The following RFX3 variants were observed in gnomAD, a reference collection of about 807,000 sequenced individuals.
RFX3 encodes the protein regulatory factor X3.
A neutral mutation model predicts 98.6 loss-of-function variants in RFX3; 14 were observed. The observed-to-expected ratio is 0.14, with a 90% confidence interval of 0.09 to 0.22. The LOEUF is 0.22. Among genes scored for constraint, RFX3 ranks in the 10% least tolerant of loss-of-function variants. The pLI, the probability that RFX3 is intolerant of heterozygous loss-of-function variation, is 1.00. For missense variants in RFX3, 639 were observed against 926.9 expected, an observed-to-expected ratio of 0.69 and a Z score of 4.03; for synonymous variants, 383 against 328.4, an observed-to-expected ratio of 1.17 and a Z score of -1.80.
intron 13 of RFX3, 137 bp downstream of exon 13, chr9:3,262,798 C>T (rs1823093853): frequency 1.1e-6 from 1 of 903,700 alleles, no homozygotes; most frequent in Non-Finnish European, 1.7e-6. Flanking sequence ...GGTCAAACTC[C>T]TCTCTTTCAG....
rs537002587 is a variant in RFX3 at position 3,429,286 on chromosome 9, T to C, written c.-8-33690A>G. Among the ~76,000 whole-genome samples the C allele has an allele frequency of 3.0e-3, 449 of 151,308 alleles. 3 individuals carry two copies. Among genetic ancestry groups the C allele is most frequent in the Middle Eastern group, 0.01 (3 of 288 alleles). ...ATCCGCCCGTCTCGGCCTCCCAAAGTGCTGGGATTACAGGCGTGAGCCACC... is the reference window on the plus strand; with the variant it reads ...ATCCGCCCGTCTCGGCCTCCCAAAGCGCTGGGATTACAGGCGTGAGCCACC... On this transcript the variant is annotated intron_variant, in intron 1 of 16. Transcript: ENST00000617270.
intron 1 of RFX3, among the ~76,000 whole-genome samples, chr9:3,435,829 T>C (rs1026780988): frequency 1.5e-5 from 2 of 129,744 alleles, no homozygotes; most frequent in Non-Finnish European, 3.2e-5. Context: ...AAAAAAAGGA[T>C]AACACTGCCT....
intron 2 of RFX3, among the ~76,000 whole-genome samples, chr9:3,354,653 T>C (rs898077889): frequency 6.6e-6 from 1 of 151,746 alleles, no homozygotes. Flanking sequence ...ATCCTTTTTC[T>C]GACAAACAAA....
At chr9:3,430,471 A>T (rs1167670501) in intron 1 of RFX3, among the ~76,000 whole-genome samples, 1 of 152,198 alleles carries the variant, frequency 6.6e-6, no homozygotes, top group Admixed American at 6.5e-5. Context: ...TCAAAATACC[A>T]TTACCATCAA....
intron 1 of RFX3, among the ~76,000 whole-genome samples, chr9:3,447,093 T>C (rs1204912904): frequency 6.6e-6 from 1 of 152,142 alleles, no homozygotes; most frequent in Non-Finnish European, 1.5e-5. Flanking sequence ...ATTAATGCCT[T>C]ATACATGTAG....
chr9:3,281,651 A>G (rs1825930102), intron 7 of RFX3, among the ~76,000 whole-genome samples: 2 of 151,892 alleles, frequency 1.3e-5, no homozygotes, highest in African/African-American at 4.8e-5. Flanking sequence ...GTTGTTAATG[A>G]TTAAGAAATA....
At chr9:3,274,909 C>T (rs544213876) in intron 9 of RFX3, among the ~76,000 whole-genome samples, 2 of 151,856 alleles carry the variant, frequency 1.3e-5, no homozygotes, top group South Asian at 4.2e-4. Context: ...AAGGAAGAAA[C>T]ATACATATAT....
chr9:3,340,011 G>T (rs1402318121), intron 3 of RFX3, among the ~76,000 whole-genome samples: 1 of 152,028 alleles, frequency 6.6e-6, no homozygotes, highest in Non-Finnish European at 1.5e-5. Context: ...TATACTACAA[G>T]GCTACAGTAA....
At chr9:3,521,088 T>C (rs1372457540) in intron 1 of RFX3, among the ~76,000 whole-genome samples, 2 of 152,234 alleles carry the variant, frequency 1.3e-5, no homozygotes, top group Non-Finnish European at 2.9e-5. Flanking sequence ...AAAAAGCATA[T>C]CACTATGCCA....
At chr9:3,490,703 G>C (rs1047672250) in intron 1 of RFX3, among the ~76,000 whole-genome samples, 3 of 152,076 alleles carry the variant, frequency 2.0e-5, no homozygotes, top group Admixed American at 6.5e-5. Flanking sequence ...GAAGATGAGA[G>C]AGCAAACAAT....
At chr9:3,509,227 T>C (rs1241547582) in intron 1 of RFX3, among the ~76,000 whole-genome samples, 5 of 151,960 alleles carry the variant, frequency 3.3e-5, no homozygotes, top group African/African-American at 1.2e-4. Flanking sequence ...GCTACACTTT[T>C]AAAGCCCAGC....
chr9:3,445,550 T>A (rs1051002013), intron 1 of RFX3, among the ~76,000 whole-genome samples: 1 of 152,088 alleles, frequency 6.6e-6, no homozygotes, highest in African/African-American at 2.4e-5. Flanking sequence ...ACTGAAAAAA[T>A]AAGGGCCATC....
rs1845563096 is a variant in RFX3, at chr9:3,441,046, T to C, written c.-8-45450A>G. 3.3e-5 allele frequency among the ~76,000 whole-genome samples: 5 copies of C among 152,152 alleles called. No individual in the cohort carries two copies. The South Asian group carries it at 6.2e-4, about 19-fold the overall frequency. ...CCATATTTTCAAAAATGAACTTTGG[T>C]CCACAGCTAACACCATACACAAAAT... On this transcript the variant is annotated intron_variant, in intron 1 of 16. Transcript: ENST00000617270.
intron 1 of RFX3, among the ~76,000 whole-genome samples, chr9:3,455,824 A>G (rs182739332): frequency 7.9e-5 from 12 of 152,356 alleles, no homozygotes; most frequent in Admixed American, 5.2e-4. Flanking sequence ...ATACAATGGT[A>G]TCTTCTCATC....
chr9:3,461,945 A>G (rs564429897), intron 1 of RFX3, among the ~76,000 whole-genome samples: 1 of 152,094 alleles, frequency 6.6e-6, no homozygotes, highest in East Asian at 1.9e-4. Flanking sequence ...ACATATTAAG[A>G]TATTTCTTAT....
At chr9:3,350,934 T>C (rs1289327717) in intron 2 of RFX3, among the ~76,000 whole-genome samples, 3 of 151,924 alleles carry the variant, frequency 2.0e-5, no homozygotes, top group Non-Finnish European at 4.4e-5. Context: ...TGCCAGCCAC[T>C]GGGGGAAAGG....
At chr9:3,463,735 C>T (rs1387842427) in intron 1 of RFX3, among the ~76,000 whole-genome samples, 1 of 152,028 alleles carries the variant, frequency 6.6e-6, no homozygotes, top group Non-Finnish European at 1.5e-5. Flanking sequence ...CTTTGGGAGG[C>T]CATGGCAGGA....
chr9:3,443,660 A>AGTGCAT (rs1845795595), intron 1 of RFX3, among the ~76,000 whole-genome samples: 2 of 152,176 alleles, frequency 1.3e-5, no homozygotes, highest in Non-Finnish European at 2.9e-5. Flanking sequence ...GTGCTGCAAT[A>AGTGCAT]AATATACACA....
chr9:3,466,414 G>A (rs1848223180), intron 1 of RFX3, among the ~76,000 whole-genome samples: 2 of 152,082 alleles, frequency 1.3e-5, no homozygotes, highest in South Asian at 4.1e-4. Flanking sequence ...AAAATGTGAT[G>A]CAATAAAAGC....
Sources: gnomAD v4.1 joint callset for allele counts (sites outside exome capture counted in the v4.1 genomes callset) on GRCh38, gnomAD v4.1.1 for gene constraint, MANE v1.5 for transcripts, NCBI Gene and HGNC (gene_info 2026-07-23, HGNC 2026-07-21) for gene names.